TMEM254: variants seen among roughly 807,000 people sequenced by gnomAD.
TMEM254 encodes the protein transmembrane protein C10orf57.
Under a neutral mutation model 13.9 loss-of-function variants are expected in TMEM254, and 16 were observed. The ratio of observed to expected loss-of-function variants is 1.15; its 90% CI spans 0.78 to 1.75. The LOEUF (loss-of-function observed/expected upper bound fraction) is 1.75. Among genes scored for constraint, TMEM254 ranks in the 40% most tolerant of loss-of-function variants. TMEM254 has a pLI of 0.00. For synonymous variants in TMEM254, 61 were observed against 56.4 expected, an observed-to-expected ratio of 1.08 and a Z score of -0.36; for missense variants, 155 against 149.0, an observed-to-expected ratio of 1.04 and a Z score of -0.21.
chr10:80,083,868 G>A (rs9663426), intron 3 of TMEM254, among the ~76,000 whole-genome samples: 5,145 of 152,066 alleles, frequency 0.034, 129 homozygotes, highest in African/African-American at 0.078. Flanking sequence ...TTTGAGACCA[G>A]GAGTTTGAAA....
rs1844593325 is a variant in TMEM254, at chr10:80,092,094, ACT to A, written c.*1180_*1181del. The A allele has an allele frequency of 6.6e-6, 1 of 152,008 alleles. No individual in the cohort carries two copies. The highest frequency in any genetic ancestry group is 1.9e-4 in the East Asian group (1 of 5,186). 9.4% of individuals were successfully genotyped at this position (152,008 alleles called of 1,614,324 possible). On this transcript the variant is annotated 3_prime_UTR_variant, in exon 4 of 4. Coordinates refer to ENST00000372281, the MANE Select transcript of TMEM254 (RefSeq NM_025125.4). ...GCTCACAGGCTGGGGAGGCAGAATG[ACT>A]CTGTCACCACTAGGAGCCATTAGGG...
In TMEM254 at chr10:80,081,186, G is replaced by A. The variant is rs376826172; in HGVS notation, c.88-655G>A. Among the ~76,000 whole-genome samples the A allele has an allele frequency of 2.7e-3, 411 of 152,252 alleles. 2 individuals carry two copies. The highest frequency in any genetic ancestry group is 9.5e-3 in the African/African-American group (393 of 41,540). On this transcript the variant is annotated intron_variant, in intron 1 of 3. Transcript: ENST00000372281. ...GGATCGCTTGAGCCCGGGAAGTCAA[G>A]GGTGCAGTGAGCCGTGATCAGGCCA... is the stretch of plus-strand genomic sequence containing the variant.
At chr10:80,083,461 AC>A (rs1844153860) in intron 3 of TMEM254, among the ~76,000 whole-genome samples, 1 of 152,092 alleles carries the variant, frequency 6.6e-6, no homozygotes, top group Admixed American at 6.5e-5. Flanking sequence ...TTTCTTTCTC[AC>A]CCCTCTCCAA....
intron 3 of TMEM254, chr10:80,090,418 C>G (rs1387112144): frequency 4.2e-6 from 3 of 717,386 alleles, no homozygotes; most frequent in Non-Finnish European, 7.8e-6. Flanking sequence ...AGTGATTTGC[C>G]CAGGTCACAG....
intron 3 of TMEM254, among the ~76,000 whole-genome samples, chr10:80,084,971 G>A (rs561012283): frequency 4.9e-4 from 75 of 151,886 alleles, no homozygotes; most frequent in South Asian, 3.5e-3. Context: ...GATTACAGGC[G>A]CCCGCCACCA....
rs1844073757 is a variant in TMEM254 at position 80,082,217 on chromosome 10, A to G, written c.251+13A>G. On this transcript the variant is annotated intron_variant, in intron 3 of 3. Transcript: ENST00000372281. ...TAGTATTGTGCAAGTAAGTCTTTGAAGTAGGTGTTTGTTGCCTTTCTCTTA... is the reference window on the plus strand; with the variant it reads ...TAGTATTGTGCAAGTAAGTCTTTGAGGTAGGTGTTTGTTGCCTTTCTCTTA... The G allele has an allele frequency of 6.2e-7, 1 of 1,613,994 alleles. No individual in the cohort carries two copies. The highest frequency in any genetic ancestry group is 8.5e-7 in the Non-Finnish European group (1 of 1,179,972).
chr10:80,085,909 A>G (rs1385185565), intron 3 of TMEM254, among the ~76,000 whole-genome samples: 8 of 152,176 alleles, frequency 5.3e-5, no homozygotes, highest in South Asian at 4.1e-4. Context: ...TGCTGCTTGC[A>G]TACCCCAGTT....
chr10:80,087,978 C>A (rs1844395360), intron 3 of TMEM254, among the ~76,000 whole-genome samples: 1 of 151,980 alleles, frequency 6.6e-6, no homozygotes, highest in Admixed American at 6.6e-5. Context: ...AAGTTATATT[C>A]TTTTACAGTA....
intron 1 of TMEM254, 124 bp downstream of exon 1, chr10:80,078,910 G>T: frequency 6.6e-7 from 1 of 1,522,796 alleles, no homozygotes. Flanking sequence ...ACTCCCGCGC[G>T]CTAGGAGCGG....
rs766609547 is a variant in TMEM254, at chr10:80,082,180, C to T, written c.227C>T (p.Ser76Phe). Residue 76 changes from serine (S) to phenylalanine (F), a missense_variant, in exon 3 of 4, where the codon TCC becomes TTC. By Grantham distance (155) the Ser-to-Phe change is radical. Transcript: ENST00000372281. Reference protein sequence around the residue: ...WLAWLIHVGESLYAIVLCKHK... With the variant: ...WLAWLIHVGEFLYAIVLCKHK... ...GCCTGGCTGATTCATGTGGGAGAGT[C>T]CTTGTATGCCATAGTATTGTGCAAG... is the stretch of plus-strand genomic sequence containing the variant. 1 of 1,614,102 alleles carries T rather than the reference C, an allele frequency of 6.2e-7. No individual in the cohort carries two copies. The highest frequency in any genetic ancestry group is 8.5e-7 in the Non-Finnish European group (1 of 1,180,036).
chr10:80,090,274 T>C (rs1273183724), intron 3 of TMEM254: 1 of 667,286 alleles, frequency 1.5e-6, no homozygotes, highest in African/African-American at 1.8e-5. Flanking sequence ...AGCAGGTGTT[T>C]ATCATGACTG....
intron 3 of TMEM254, chr10:80,086,279 T>A: frequency 6.8e-7 from 1 of 1,465,944 alleles, no homozygotes. Flanking sequence ...GAGAACAAGT[T>A]ATGATGACCC....
chr10:80,085,635 T>C (rs964424240), intron 3 of TMEM254, among the ~76,000 whole-genome samples: 1 of 152,040 alleles, frequency 6.6e-6, no homozygotes, highest in African/African-American at 2.4e-5. Context: ...AACCTTTTGC[T>C]ATTTTGGTAG....
chr10:80,090,768 G>C (rs369824129), intron 3 of TMEM254, 29 bp from the exon 4 acceptor site: 42 of 1,600,246 alleles, frequency 2.6e-5, no homozygotes, highest in Non-Finnish European at 3.3e-5. Context: ...TTAACATCTC[G>C]TGTTTAAATT....
chr10:80,081,509 A>T (rs1340726729), intron 1 of TMEM254: 3 of 626,890 alleles, frequency 4.8e-6, no homozygotes, highest in Non-Finnish European at 8.3e-6. Context: ...TCTATATACA[A>T]TTTTTAAAAG....
In TMEM254 at chr10:80,081,867, C is replaced by T. The variant is rs1325757793; in HGVS notation, c.114C>T (p.Ile38=). The part of the protein sequence containing the change: ...YTWVVFWPQS[I]PYQNLGPLGP... ...GGGTTGTCTTCTGGCCTCAGAGTAT[C>T]CCTTATCAGAACCTTGGGCCCCTGG... The change falls in exon 2 of 4, where the codon ATC becomes ATT. Residue 38 remains isoleucine, a synonymous_variant. Transcript: ENST00000372281. 1.9e-6 allele frequency: 3 copies of T among 1,614,088 alleles called. No homozygotes were observed. The highest frequency in any genetic ancestry group is 2.5e-6 in the Non-Finnish European group (3 of 1,180,046).
intron 3 of TMEM254, among the ~76,000 whole-genome samples, chr10:80,089,953 C>T (rs1232797029): frequency 6.9e-6 from 1 of 144,926 alleles, no homozygotes; most frequent in Non-Finnish European, 1.5e-5. Flanking sequence ...TGCAGTGAGT[C>T]AAGATCGCGC....
intron 3 of TMEM254, among the ~76,000 whole-genome samples, chr10:80,089,536 A>C (rs1589389622): frequency 6.6e-6 from 1 of 152,092 alleles, no homozygotes; most frequent in East Asian, 1.9e-4. Flanking sequence ...CTAGCCAGGC[A>C]TGGTGGTGCG....
intron 3 of TMEM254, among the ~76,000 whole-genome samples, chr10:80,088,331 G>C (rs1058216): frequency 5.5e-4 from 84 of 151,942 alleles, no homozygotes; most frequent in African/African-American, 1.9e-3. Flanking sequence ...TGCATATTCT[G>C]TGCATTGTCT....
Sources: allele counts gnomAD v4.1 joint callset (sites outside exome capture counted in the v4.1 genomes callset), GRCh38; gene constraint gnomAD v4.1.1; transcripts MANE v1.5; gene names NCBI Gene and HGNC (gene_info 2026-07-23, HGNC 2026-07-21).